PTPRT: variants seen among roughly 807,000 people sequenced by gnomAD.
The protein encoded by PTPRT is receptor-type tyrosine-protein phosphatase T.
In PTPRT, 56 loss-of-function variants were observed where a neutral mutation model predicts 176.8. The ratio of observed to expected loss-of-function variants is 0.32; its 90% CI spans 0.26 to 0.40. The LOEUF is 0.40. Ranked by LOEUF, PTPRT falls within the 10% of genes least tolerant of loss-of-function variation. PTPRT has a pLI of 1.00. For missense variants in PTPRT, 1,540 were observed against 1,908.2 expected (o/e 0.81, Z 3.60); for synonymous variants, 783 against 739.0 (o/e 1.06, Z -0.96).
At chr20:42,479,114 C>A (rs1391880579) in intron 7 of PTPRT, among the ~76,000 whole-genome samples, 1 of 152,172 alleles carries the variant, frequency 6.6e-6, no homozygotes. Context: ...CTGTCAAAGG[C>A]AATAGCTGTA....
intron 12 of PTPRT, among the ~76,000 whole-genome samples, chr20:42,288,615 C>T (rs1163393787): frequency 6.6e-6 from 1 of 151,930 alleles, no homozygotes; most frequent in Non-Finnish European, 1.5e-5. Context: ...GAACATGTGG[C>T]ATTTGATTTT....
chr20:42,943,248 A>C (rs1280898590), intron 1 of PTPRT, among the ~76,000 whole-genome samples: 1 of 152,188 alleles, frequency 6.6e-6, no homozygotes, highest in Non-Finnish European at 1.5e-5. Flanking sequence ...TGTCCCGAGA[A>C]GTCCCAAACA....
chr20:42,811,841 TTTTA>T (rs1431884152), intron 2 of PTPRT, among the ~76,000 whole-genome samples: 2 of 152,224 alleles, frequency 1.3e-5, no homozygotes. Flanking sequence ...TTCATGAATC[TTTTA>T]TTTTTGTTTG....
At chr20:42,194,877 A>T (rs561034421) in intron 16 of PTPRT, among the ~76,000 whole-genome samples, 1 of 152,304 alleles carries the variant, frequency 6.6e-6, no homozygotes, top group African/African-American at 2.4e-5. Context: ...GATTGAATAG[A>T]TGTCACAGAA....
intron 8 of PTPRT, among the ~76,000 whole-genome samples, chr20:42,457,881 C>T (rs925663539): frequency 1.1e-4 from 17 of 152,110 alleles, no homozygotes; most frequent in African/African-American, 3.6e-4. Flanking sequence ...ATGCCCTGGA[C>T]GTAGGCTTGG....
In PTPRT at chr20:42,303,590, A is replaced by T. The variant is rs537436222; in HGVS notation, c.2139+12133T>A. Among the ~76,000 whole-genome samples the T allele has an allele frequency of 5.9e-5, 9 of 152,336 alleles. No individual in the cohort carries two copies. In the South Asian group the frequency reaches 1.9e-3, roughly 32 times the overall value. On this transcript the variant is annotated intron_variant, in intron 12 of 30. Transcript: ENST00000373187. The stretch of plus-strand genomic sequence containing the variant: ...TTTCTGGAGTATGCTTCAGCAAATC[A>T]TAGCCTCTCACAGCCTTGGCTTGCT...
chr20:42,065,104 G>C, the PTPRT span, among the ~76,000 whole-genome samples: 1 of 152,220 alleles, frequency 6.6e-6, no homozygotes, highest in Admixed American at 6.5e-5. Flanking sequence ...ATCCAGCCCA[G>C]TCAAGGCTTA....
chr20:42,304,553 T>C (rs2057516446), intron 12 of PTPRT, among the ~76,000 whole-genome samples: 1 of 152,192 alleles, frequency 6.6e-6, no homozygotes. Flanking sequence ...TAAGGTCATG[T>C]AGCTGGTCAG....
intron 15 of PTPRT, among the ~76,000 whole-genome samples, chr20:42,201,624 C>T (rs1330366188): frequency 6.6e-6 from 1 of 151,452 alleles, no homozygotes; most frequent in Non-Finnish European, 1.5e-5. Context: ...TAACCAGAGC[C>T]CCAAAGAAGA....
In PTPRT at chr20:42,074,576, T is replaced by C. The variant is rs904256981; in HGVS notation, c.*6303A>G. 1.0e-5 allele frequency: 4 copies of C among 390,892 alleles called. No individual in the cohort carries two copies. Among genetic ancestry groups the C allele is most frequent in the Non-Finnish European group, 1.8e-5 (4 of 221,850 alleles). 24.2% of individuals were successfully genotyped at this position (390,892 alleles called of 1,614,324 possible). A position where few individuals can be genotyped will look rare whatever the true frequency, so the allele number is the denominator to read the frequency against. On this transcript the variant is annotated 3_prime_UTR_variant, in exon 31 of 31. Transcript: ENST00000373187. ...GGAAGCCCCATAATGATCAAGCCCC[T>C]AAAACTCTTCCCAATAGATTTTCTT...
intron 1 of PTPRT, among the ~76,000 whole-genome samples, chr20:42,930,456 C>A (rs892007755): frequency 6.6e-6 from 1 of 151,974 alleles, no homozygotes; most frequent in South Asian, 2.1e-4. Flanking sequence ...GCACAATTCC[C>A]TTTACTTTTT....
intron 7 of PTPRT, among the ~76,000 whole-genome samples, chr20:42,541,658 G>T (rs1020491701): frequency 1.3e-5 from 2 of 151,816 alleles, no homozygotes; most frequent in African/African-American, 2.4e-5. Context: ...GTAAACTTTA[G>T]ATGGAGCAAA....
chr20:43,147,431 C>G (rs2014203877), intron 1 of PTPRT, among the ~76,000 whole-genome samples: 1 of 152,136 alleles, frequency 6.6e-6, no homozygotes, highest in Admixed American at 6.5e-5. Context: ...CGTCAGAAAT[C>G]CCTCAACAAC....
chr20:42,237,202 A>G (rs1448895220), intron 14 of PTPRT, among the ~76,000 whole-genome samples: 2 of 152,232 alleles, frequency 1.3e-5, no homozygotes, highest in South Asian at 2.1e-4. Context: ...AAGACACATG[A>G]GAAAAATAAA....
chr20:42,368,192 G>T (rs1386574929), intron 9 of PTPRT, among the ~76,000 whole-genome samples: 2 of 152,110 alleles, frequency 1.3e-5, no homozygotes, highest in Non-Finnish European at 2.9e-5. Flanking sequence ...GGGTGAGTGT[G>T]GGGAAGAACA....
intron 17 of PTPRT, among the ~76,000 whole-genome samples, chr20:42,157,858 C>T (rs1989430053): frequency 2.0e-5 from 3 of 152,222 alleles, no homozygotes. Flanking sequence ...TTCTGAGCCA[C>T]CATGGAAATC....
intron 17 of PTPRT, among the ~76,000 whole-genome samples, chr20:42,152,579 C>T (rs1343634938): frequency 6.6e-6 from 1 of 152,240 alleles, no homozygotes; most frequent in Non-Finnish European, 1.5e-5. Flanking sequence ...GACAAATTCC[C>T]TGCCTTCAAG....
intron 1 of PTPRT, among the ~76,000 whole-genome samples, chr20:42,980,170 G>A (rs561258276): frequency 3.9e-5 from 6 of 152,028 alleles, no homozygotes; most frequent in Non-Finnish European, 8.8e-5. Flanking sequence ...TTCTGCCTTG[G>A]AGCAGTAGCT....
At chr20:42,550,232 A>C (rs996328670) in intron 7 of PTPRT, among the ~76,000 whole-genome samples, 9 of 152,090 alleles carry the variant, frequency 5.9e-5, no homozygotes, top group African/African-American at 2.2e-4. Flanking sequence ...AAGGACAGTG[A>C]GAGCCTGCCA....
Sources: allele counts gnomAD v4.1 joint callset (sites outside exome capture counted in the v4.1 genomes callset), GRCh38; gene constraint gnomAD v4.1.1; transcripts MANE v1.5; gene names NCBI Gene and HGNC (gene_info 2026-07-23, HGNC 2026-07-21).